GPATCH2: variants seen among roughly 807,000 people sequenced by gnomAD.
GPATCH2 encodes the protein G patch domain-containing protein 2.
In GPATCH2, 51 loss-of-function variants were observed where a neutral mutation model predicts 58.0. The observed-to-expected ratio is 0.88, with a 90% CI of 0.70 to 1.11. The LOEUF is 1.11. GPATCH2 is among the 50% of genes most tolerant of loss of function. The probability of loss-of-function intolerance (pLI) is 0.00; values close to 1 mark genes in which losing one functional copy is unlikely to be tolerated. For synonymous variants in GPATCH2, 222 were observed against 218.5 expected (o/e 1.02, Z -0.14); for missense variants, 625 against 652.2 (o/e 0.96, Z 0.45).
intron 5 of GPATCH2, among the ~76,000 whole-genome samples, chr1:217,520,234 G>T (rs1663384911): frequency 6.6e-6 from 1 of 152,246 alleles, no homozygotes; most frequent in South Asian, 2.1e-4. Context: ...TTACCTACCA[G>T]ATCTTTTAGT....
chr1:217,570,032 A>G (rs1027430754), intron 5 of GPATCH2, among the ~76,000 whole-genome samples: 1 of 152,178 alleles, frequency 6.6e-6, no homozygotes, highest in African/African-American at 2.4e-5. Context: ...CCAGGCCCCA[A>G]TATAATCAGT....
intron 9 of GPATCH2, 86 bp downstream of exon 9, chr1:217,449,163 A>G: frequency 1.3e-6 from 1 of 770,018 alleles, no homozygotes; most frequent in East Asian, 2.4e-5. Flanking sequence ...TCTTCATTGC[A>G]AGTGATTAAG....
rs1416069371 is a variant in GPATCH2, at chr1:217,532,895, T to G, written c.1099-18006A>C. Among the ~76,000 whole-genome samples the G allele has an allele frequency of 1.7e-4, 12 of 69,296 alleles. No homozygotes were observed. In the Admixed American group the frequency reaches 1.9e-3, roughly 11 times the overall value. 45.5% of individuals were successfully genotyped at this position (69,296 alleles called of 152,430 possible). On this transcript the variant is annotated intron_variant, in intron 5 of 9. Coordinates refer to ENST00000366935, the MANE Select transcript of GPATCH2 (RefSeq NM_018040.5). Reference sequence around the variant, plus strand: ...TCTTTATCTTTTTTTTGTTTTTTTTTTTTTGTTTTTTTTTTTTTTTTGAGA... The same window carrying G: ...TCTTTATCTTTTTTTTGTTTTTTTTGTTTTGTTTTTTTTTTTTTTTTGAGA...
chr1:217,458,592 A>AT (rs886994354), intron 8 of GPATCH2, among the ~76,000 whole-genome samples: 161 of 152,012 alleles, frequency 1.1e-3, no homozygotes, highest in African/African-American at 3.6e-3. Flanking sequence ...GGTCCTTTAG[A>AT]TTTTTTTTCT....
chr1:217,521,715 G>C (rs1287478126), intron 5 of GPATCH2, among the ~76,000 whole-genome samples: 1 of 152,154 alleles, frequency 6.6e-6, no homozygotes, highest in Non-Finnish European at 1.5e-5. Flanking sequence ...GAAAATTAGA[G>C]AACTTAGGCT....
intron 5 of GPATCH2, among the ~76,000 whole-genome samples, chr1:217,571,485 C>A (rs1397867763): frequency 2.0e-5 from 3 of 149,750 alleles, no homozygotes; most frequent in Admixed American, 6.8e-5. Context: ...CAGTATTTTA[C>A]TTCTGGGCGC....
At chr1:217,538,051 A>T (rs1664561365) in intron 5 of GPATCH2, among the ~76,000 whole-genome samples, 1 of 152,214 alleles carries the variant, frequency 6.6e-6, no homozygotes, top group Admixed American at 6.5e-5. Flanking sequence ...TTTCCATCAA[A>T]AAACAAATTG....
At chr1:217,552,244 AC>A (rs1302281457) in intron 5 of GPATCH2, among the ~76,000 whole-genome samples, 1 of 152,120 alleles carries the variant, frequency 6.6e-6, no homozygotes, top group African/African-American at 2.4e-5. Flanking sequence ...TACTGAAGCA[AC>A]CTCAACTAAA....
chr1:217,478,510 G>T (rs1340202663), intron 8 of GPATCH2, among the ~76,000 whole-genome samples: 1 of 152,186 alleles, frequency 6.6e-6, no homozygotes, highest in Non-Finnish European at 1.5e-5. Flanking sequence ...GAAAGGATCA[G>T]TCTTTAAAAG....
At chr1:217,567,344 C>A (rs1666301390) in intron 5 of GPATCH2, among the ~76,000 whole-genome samples, 2 of 152,218 alleles carry the variant, frequency 1.3e-5, no homozygotes, top group African/African-American at 4.8e-5. Context: ...CCGCACCCAG[C>A]CTAAATATAG....
intron 1 of GPATCH2, among the ~76,000 whole-genome samples, chr1:217,624,654 C>A (rs149203679): frequency 1.3e-5 from 2 of 152,332 alleles, no homozygotes; most frequent in East Asian, 3.9e-4. Flanking sequence ...GAGATAGTTT[C>A]TTAAATAAGA....
chr1:217,568,459 C>A (rs1009186731), intron 5 of GPATCH2, among the ~76,000 whole-genome samples: 1 of 151,910 alleles, frequency 6.6e-6, no homozygotes, highest in African/African-American at 2.4e-5. Context: ...AACACACAGA[C>A]CAGATAAGTA....
chr1:217,502,647 G>C (rs1025147620), intron 6 of GPATCH2, among the ~76,000 whole-genome samples: 4 of 151,728 alleles, frequency 2.6e-5, no homozygotes, highest in Non-Finnish European at 5.9e-5. Flanking sequence ...TCAAATATCT[G>C]GTGATCTTTA....
intron 5 of GPATCH2, among the ~76,000 whole-genome samples, chr1:217,562,791 C>T (rs1008262708): frequency 3.9e-5 from 6 of 152,126 alleles, no homozygotes; most frequent in South Asian, 2.1e-4. Flanking sequence ...TCTGTTAAAA[C>T]GGGATAATAC....
chr1:217,574,899 A>C (rs533158180), intron 5 of GPATCH2, among the ~76,000 whole-genome samples: 1 of 152,318 alleles, frequency 6.6e-6, no homozygotes, highest in East Asian at 1.9e-4. Flanking sequence ...AGATAAGGGA[A>C]ACATAAAATT....
chr1:217,607,438 G>A (rs932252445), intron 5 of GPATCH2, among the ~76,000 whole-genome samples: 1 of 152,102 alleles, frequency 6.6e-6, no homozygotes, highest in Non-Finnish European at 1.5e-5. Flanking sequence ...GCTGAGAAAT[G>A]CCGTCTAGTG....
intron 5 of GPATCH2, among the ~76,000 whole-genome samples, chr1:217,518,232 A>C (rs965671890): frequency 6.6e-6 from 1 of 152,152 alleles, no homozygotes; most frequent in African/African-American, 2.4e-5. Context: ...CTGTTGTTTA[A>C]ATATTATCAG....
At chr1:217,575,524 A>T (rs1302659754) in intron 5 of GPATCH2, among the ~76,000 whole-genome samples, 1 of 152,216 alleles carries the variant, frequency 6.6e-6, no homozygotes, top group South Asian at 2.1e-4. Context: ...GATGTAAAAA[A>T]TCAATGCATC....
chr1:217,584,556 T>A (rs772682326), intron 5 of GPATCH2, among the ~76,000 whole-genome samples: 1 of 151,536 alleles, frequency 6.6e-6, no homozygotes, highest in Non-Finnish European at 1.5e-5. Flanking sequence ...AAATTATTGT[T>A]CTAAAGTCCT....
Sources: gnomAD v4.1 joint callset for allele counts (sites outside exome capture counted in the v4.1 genomes callset) on GRCh38, gnomAD v4.1.1 for gene constraint, MANE v1.5 for transcripts, NCBI Gene and HGNC (gene_info 2026-07-23, HGNC 2026-07-21) for gene names.